The following SFMBT1 variants were observed in gnomAD, a reference collection of about 807,000 sequenced individuals.
The protein encoded by SFMBT1 is scm-like with four MBT domains protein 1.
SFMBT1 carries 32 observed loss-of-function variants against 108.7 expected under a neutral mutation model. The ratio of observed to expected loss-of-function variants is 0.29; its 90% confidence interval spans 0.22 to 0.40. The LOEUF is 0.40. SFMBT1 is among the 10% of genes least tolerant of loss of function. The pLI is 1.00. For missense variants in SFMBT1, 816 were observed against 1,059.6 expected (o/e 0.77, Z 3.19); for synonymous variants, 348 against 369.5 (o/e 0.94, Z 0.67).
intron 1 of SFMBT1, among the ~76,000 whole-genome samples, chr3:52,977,662 T>C (rs908701479): frequency 1.3e-5 from 2 of 152,196 alleles, no homozygotes; most frequent in African/African-American, 2.4e-5. Flanking sequence ...TGGATTTGGA[T>C]AGTGGTTTTA....
chr3:52,969,405 C>G (rs1221162399), intron 1 of SFMBT1, 147 bp from the exon 2 acceptor site: 1 of 711,812 alleles, frequency 1.4e-6, no homozygotes, highest in Non-Finnish European at 2.0e-6. Context: ...AAATTGATAC[C>G]TTTTCTAATT....
intron 1 of SFMBT1, among the ~76,000 whole-genome samples, chr3:53,027,213 A>C (rs981299478): frequency 6.6e-6 from 1 of 152,222 alleles, no homozygotes; most frequent in Non-Finnish European, 1.5e-5. Context: ...AAGTATTCAC[A>C]AATCACTAAC....
rs1380345534 is a variant in SFMBT1 at position 52,930,390 on chromosome 3, A to G, written c.836T>C (p.Met279Thr). 3 of 1,613,088 alleles carry G rather than the reference A, an allele frequency of 1.9e-6. No homozygotes were observed. Among genetic ancestry groups the G allele is most frequent in the Admixed American group, 1.7e-5 (1 of 60,006 alleles). The change falls in exon 8 of 21, where the codon ATG (methionine) becomes ACG (threonine). Residue 279 changes from methionine (M) to threonine (T), a missense_variant. Transcript: ENST00000394752. ...CCAGGGGTCTACAGCTTCCAATTTC[A>G]TGTTTACAGAGAATGTATGAATGCC... ...VIGIHTFSVN[M>T]KLEAVDPWSP...
rs148530464 is a variant in SFMBT1, at chr3:52,956,717, C to T, written c.29-2306G>A. Among the ~76,000 whole-genome samples, 15 of 152,140 alleles carry T rather than the reference C, an allele frequency of 9.9e-5. No homozygotes were observed. The East Asian group carries it at 2.1e-3, about 22-fold the overall frequency. Reference sequence around the variant, plus strand: ...TGGAGGTTGCCGTGAGCCGAGGTTGCGCCACTGCACTCCAGGCTGGGCGAC... The same window carrying T: ...TGGAGGTTGCCGTGAGCCGAGGTTGTGCCACTGCACTCCAGGCTGGGCGAC... On this transcript the variant is annotated intron_variant, in intron 2 of 20. Coordinates refer to ENST00000394752, the MANE Select transcript of SFMBT1 (RefSeq NM_016329.4).
chr3:52,923,394 T>C (rs9846827), intron 10 of SFMBT1, among the ~76,000 whole-genome samples: 147,797 of 152,130 alleles, frequency 0.97, 71,946 homozygotes, highest in Middle Eastern at 1. Flanking sequence ...AGTGAAACCC[T>C]GTCCCTACTA....
chr3:52,904,979 C>T lies in SFMBT1; in HGVS notation c.*157G>A. The T allele has an allele frequency of 1.1e-6, 1 of 927,432 alleles. No homozygotes were observed. The highest frequency in any genetic ancestry group is 1.5e-6 in the Non-Finnish European group (1 of 646,808). 57.5% of individuals were successfully genotyped at this position (927,432 alleles called of 1,614,324 possible). ...CCACTTCTGTGCACAGTTTTTGCTT[C>T]CTCACTGTGAGTCCTCCTTCCCCGA... On this transcript the variant is annotated 3_prime_UTR_variant, in exon 21 of 21. Coordinates refer to ENST00000394752, the MANE Select transcript of SFMBT1 (RefSeq NM_016329.4).
At chr3:52,980,439 C>T (rs1192656910) in intron 1 of SFMBT1, among the ~76,000 whole-genome samples, 1 of 152,114 alleles carries the variant, frequency 6.6e-6, no homozygotes, top group African/African-American at 2.4e-5. Flanking sequence ...GGTTCTTACA[C>T]ATTTTTCATG....
intron 1 of SFMBT1, among the ~76,000 whole-genome samples, chr3:53,008,058 C>T (rs73077837): frequency 0.093 from 11,599 of 125,144 alleles, 589 homozygotes; most frequent in Middle Eastern, 0.15. Context: ...CTTTTGCTTG[C>T]CCCACCCCCG....
chr3:53,037,359 G>A (rs922335862), intron 1 of SFMBT1, among the ~76,000 whole-genome samples: 4 of 152,130 alleles, frequency 2.6e-5, no homozygotes, highest in Admixed American at 6.5e-5. Context: ...GAGCCCAATT[G>A]AATACTTACA....
intron 3 of SFMBT1, among the ~76,000 whole-genome samples, chr3:52,947,203 C>T (rs1280484187): frequency 6.6e-6 from 1 of 151,320 alleles, no homozygotes; most frequent in African/African-American, 2.4e-5. Flanking sequence ...CTGCAAGCTC[C>T]GCCTCCCAGG....
At chr3:52,927,047 A>G (rs1171121377) in intron 9 of SFMBT1, among the ~76,000 whole-genome samples, 1 of 152,186 alleles carries the variant, frequency 6.6e-6, no homozygotes, top group Non-Finnish European at 1.5e-5. Context: ...TGAAAGCTTC[A>G]GTATTTTTAA....
intron 1 of SFMBT1, among the ~76,000 whole-genome samples, chr3:53,012,998 C>A (rs756037726): frequency 6.6e-5 from 10 of 151,528 alleles, no homozygotes; most frequent in South Asian, 4.2e-4. Flanking sequence ...TACAAAAAAA[C>A]CCATAAAAAA....
intron 1 of SFMBT1, chr3:53,044,915 G>A (rs1700165954): frequency 6.6e-6 from 1 of 152,356 alleles, no homozygotes; most frequent in African/African-American, 2.4e-5. Flanking sequence ...GGGAACAGCT[G>A]ACATCTTGTG....
chr3:53,018,839 C>T (rs1334427219), intron 1 of SFMBT1, among the ~76,000 whole-genome samples: 3 of 152,196 alleles, frequency 2.0e-5, no homozygotes, highest in African/African-American at 7.2e-5. Flanking sequence ...CACTACTCTC[C>T]TGGTTTTCCT....
intron 1 of SFMBT1, among the ~76,000 whole-genome samples, chr3:53,005,417 C>T (rs960829814): frequency 6.6e-6 from 1 of 152,186 alleles, no homozygotes; most frequent in African/African-American, 2.4e-5. Flanking sequence ...CCAAATGATC[C>T]TCCTACCTTA....
chr3:52,943,232 C>T, intron 4 of SFMBT1, 121 bp downstream of exon 4: 4 of 1,168,880 alleles, frequency 3.4e-6, no homozygotes, highest in Non-Finnish European at 3.6e-6. Flanking sequence ...ACTCAAAATG[C>T]TAACCTAGAA....
rs139415652 is a variant in SFMBT1, at chr3:52,919,967, C to T, written c.1372+570G>A. Among the ~76,000 whole-genome samples the T allele has an allele frequency of 2.1e-4, 32 of 152,280 alleles. No homozygotes were observed. The East Asian group carries it at 5.8e-3, about 28-fold the overall frequency. On this transcript the variant is annotated intron_variant, in intron 12 of 20. Transcript: ENST00000394752. Reference sequence around the variant, plus strand: ...AGGTGATCATGTCACAAGGGCAGAACCTTCATGATGCAGATTAGTACTCTT... The same window carrying T: ...AGGTGATCATGTCACAAGGGCAGAATCTTCATGATGCAGATTAGTACTCTT...
At chr3:52,979,446 C>CCT (rs1221204215) in intron 1 of SFMBT1, among the ~76,000 whole-genome samples, 1 of 152,226 alleles carries the variant, frequency 6.6e-6, no homozygotes, top group Non-Finnish European at 1.5e-5. Flanking sequence ...CGCCACATAG[C>CCT]TCTACCACCT....
intron 19 of SFMBT1, 114 bp from the exon 20 acceptor site, chr3:52,906,355 A>C: frequency 1.3e-6 from 2 of 1,508,560 alleles, no homozygotes; most frequent in Non-Finnish European, 1.8e-6. Flanking sequence ...TGGTCTTAGG[A>C]CATGATTTCT....
Sources: allele counts gnomAD v4.1 joint callset (sites outside exome capture counted in the v4.1 genomes callset), GRCh38; gene constraint gnomAD v4.1.1; transcripts MANE v1.5; gene names NCBI Gene and HGNC (gene_info 2026-07-23, HGNC 2026-07-21).